STK3: variants seen among roughly 807,000 people sequenced by gnomAD.
STK3 encodes the protein serine/threonine-protein kinase 3.
In STK3, 41 loss-of-function variants were observed where a neutral mutation model predicts 58.0. The ratio of observed to expected loss-of-function variants is 0.71; its 90% CI spans 0.55 to 0.92. STK3 has a LOEUF of 0.92. STK3 is among the 40% of genes least tolerant of loss of function. The pLI is 0.00. For missense variants in STK3, 479 were observed against 602.7 expected (o/e 0.79, Z 2.15); for synonymous variants, 170 against 191.0 (o/e 0.89, Z 0.91).
intron 4 of STK3, among the ~76,000 whole-genome samples, chr8:98,734,877 C>T (rs1828457692): frequency 1.3e-5 from 2 of 151,040 alleles, no homozygotes; most frequent in Admixed American, 1.3e-4. Flanking sequence ...CAACAAAAAG[C>T]TTTTTCATGA....
In STK3 at chr8:98,722,846, A is replaced by G. The variant is rs761598379; in HGVS notation, c.352-15535T>C. On this transcript the variant is annotated intron_variant, in intron 4 of 10. Transcript: ENST00000419617. ...GAAAACACCAAGAGGGAGAAAACACATGAGAGAGGATCTGCTTCATATAGA... is the reference window on the plus strand; with the variant it reads ...GAAAACACCAAGAGGGAGAAAACACGTGAGAGAGGATCTGCTTCATATAGA... The G allele has an allele frequency of 5.9e-5, 29 of 491,164 alleles. No homozygotes were observed. In the Admixed American group the frequency reaches 6.4e-4, roughly 11 times the overall value. The allele number at this position is 491,164 out of a possible 1,614,324, so 30.4% of individuals were successfully genotyped here. A position where few individuals can be genotyped will look rare whatever the true frequency, so the allele number is the denominator to read the frequency against.
At chr8:98,499,120 C>G (rs1823376339) in intron 10 of STK3, among the ~76,000 whole-genome samples, 1 of 152,076 alleles carries the variant, frequency 6.6e-6, no homozygotes, top group Non-Finnish European at 1.5e-5. Context: ...AAAGATGCTA[C>G]ACTGCTGGCT....
intron 3 of STK3, among the ~76,000 whole-genome samples, chr8:98,865,674 G>T (rs1837110721): frequency 6.6e-6 from 1 of 152,200 alleles, no homozygotes; most frequent in Non-Finnish European, 1.5e-5. Context: ...TAAAGCACAG[G>T]TCATTTCTCA....
chr8:98,632,393 T>C (rs942110775), intron 6 of STK3, among the ~76,000 whole-genome samples: 1 of 152,192 alleles, frequency 6.6e-6, no homozygotes, highest in Non-Finnish European at 1.5e-5. Context: ...AGAATAAGAC[T>C]ATCTTGCCAA....
chr8:98,643,104 GTCGTC>G (rs1820145921), intron 6 of STK3, among the ~76,000 whole-genome samples: 1 of 152,068 alleles, frequency 6.6e-6, no homozygotes, highest in African/African-American at 2.4e-5. Context: ...ACACACACCT[GTCGTC>G]TCAGCTACTC....
At chr8:98,836,352 A>G (rs1317152207) in intron 3 of STK3, among the ~76,000 whole-genome samples, 1 of 152,234 alleles carries the variant, frequency 6.6e-6, no homozygotes, top group Non-Finnish European at 1.5e-5. Flanking sequence ...TTCACATGGT[A>G]GAAGAGGTAA....
downstream of STK3, among the ~76,000 whole-genome samples, chr8:98,452,352 T>C (rs968395819): frequency 6.6e-6 from 1 of 152,230 alleles, no homozygotes; most frequent in Admixed American, 6.5e-5. Context: ...TGTTATTATT[T>C]TGAAATCCAT....
chr8:98,517,101 A>G (rs1824988390), intron 10 of STK3, among the ~76,000 whole-genome samples: 2 of 152,096 alleles, frequency 1.3e-5, no homozygotes, highest in African/African-American at 4.8e-5. Context: ...TGTGTCTTCA[A>G]AATAAATCAG....
At chr8:98,567,467 G>C (rs1426474718) in intron 8 of STK3, among the ~76,000 whole-genome samples, 1 of 152,104 alleles carries the variant, frequency 6.6e-6, no homozygotes, top group Non-Finnish European at 1.5e-5. Context: ...GAAAGTGCTA[G>C]GATTACAGGC....
chr8:98,667,607 G>C (rs1020729924), intron 6 of STK3, among the ~76,000 whole-genome samples: 1 of 151,982 alleles, frequency 6.6e-6, no homozygotes, highest in East Asian at 1.9e-4. Flanking sequence ...TTTAAAAATT[G>C]AATGTATAAA....
In STK3 at chr8:98,428,008, C is replaced by G. The variant is rs777451821; in HGVS notation, n.483+6119G>C. 1 of 1,582,402 alleles carries G rather than the reference C, an allele frequency of 6.3e-7. No homozygotes were observed. Among genetic ancestry groups the G allele is most frequent in the Non-Finnish European group, 8.6e-7 (1 of 1,163,020 alleles). On this transcript the variant is annotated intron_variant and non_coding_transcript_variant, in intron 3 of 3. Transcript: ENST00000517832. The surrounding 1 kb of genome is among the most constrained non-coding windows in gnomAD (Gnocchi z 6.7). ...ACCGGCCAGAGCCTGTGGGACGTGTCGGAGGCTAACGTCGAGGACGGGGAG... is the reference window on the plus strand; with the variant it reads ...ACCGGCCAGAGCCTGTGGGACGTGTGGGAGGCTAACGTCGAGGACGGGGAG...
chr8:98,912,735 G>A (rs188796233), intron 1 of STK3, among the ~76,000 whole-genome samples: 1 of 152,272 alleles, frequency 6.6e-6, no homozygotes, highest in African/African-American at 2.4e-5. Context: ...AAGAAAAGAA[G>A]TCTTCCATTC....
At chr8:98,689,858 G>A (rs1244844627) in intron 6 of STK3, among the ~76,000 whole-genome samples, 1 of 152,088 alleles carries the variant, frequency 6.6e-6, no homozygotes, top group Non-Finnish European at 1.5e-5. Flanking sequence ...CATCAAGTGG[G>A]CTTTATTCCT....
chr8:98,767,711 C>G (rs1831035900), intron 2 of STK3, among the ~76,000 whole-genome samples: 1 of 152,168 alleles, frequency 6.6e-6, no homozygotes, highest in Admixed American at 6.5e-5. Context: ...TAAAAATAGC[C>G]AAAGCCTCAA....
At chr8:98,550,285 TC>T (rs1445419299) in intron 8 of STK3, among the ~76,000 whole-genome samples, 1 of 152,124 alleles carries the variant, frequency 6.6e-6, no homozygotes, top group Non-Finnish European at 1.5e-5. Flanking sequence ...TCTTTCATGA[TC>T]CTTTCTCTTT....
chr8:98,585,313 T>C (rs1391308324), intron 7 of STK3, among the ~76,000 whole-genome samples: 1 of 152,252 alleles, frequency 6.6e-6, no homozygotes, highest in African/African-American at 2.4e-5. Context: ...CTTCTACATA[T>C]GACTAGCCAA....
chr8:98,841,280 G>A (rs1008209587), intron 3 of STK3, among the ~76,000 whole-genome samples: 4 of 152,208 alleles, frequency 2.6e-5, no homozygotes, highest in African/African-American at 4.8e-5. Context: ...TTTTGGGAGG[G>A]AGGGATATGT....
At chr8:98,750,505 ACT>A (rs1471883616) in intron 3 of STK3, among the ~76,000 whole-genome samples, 1 of 151,826 alleles carries the variant, frequency 6.6e-6, no homozygotes, top group Non-Finnish European at 1.5e-5. Flanking sequence ...ACACGTAGAG[ACT>A]CTATCAATTG....
chr8:98,479,487 G>A (rs755043128), intron 10 of STK3, among the ~76,000 whole-genome samples: 132 of 8,700 alleles, frequency 0.015, 8 homozygotes, highest in South Asian at 0.068. Context: ...ACTCCGTCTC[G>A]GGGGGGGGGG....
Sources: allele counts gnomAD v4.1 joint callset (sites outside exome capture counted in the v4.1 genomes callset), GRCh38; gene constraint gnomAD v4.1.1; non-coding constraint Gnocchi (gnomAD v3.1); transcripts MANE v1.5; gene names NCBI Gene and HGNC (gene_info 2026-07-23, HGNC 2026-07-21).